Variants in OR11A1 observed in about 807,000 individuals in gnomAD.
OR11A1 encodes olfactory receptor 11A1.
For synonymous variants in OR11A1, 158 were observed against 152.2 expected (o/e 1.04, Z -0.28); for missense variants, 380 against 378.2 (o/e 1.00, Z -0.04).
chr6:29,427,970 C>G (rs7770592), intron 4 of OR11A1, among the ~76,000 whole-genome samples: 3 of 151,724 alleles, frequency 2.0e-5, no homozygotes, highest in Non-Finnish European at 2.9e-5. Context: ...CGCATAATCA[C>G]CTCTATCATT....
Position 29,427,503 on chromosome 6 carries a change from T to C in OR11A1, c.139A>G (p.Ile47Val), listed in dbSNP as rs1254003090. ...YVFIIIGNML[I>V]IVAVVSSQRL... ...TGGGAGCTAACCACTGCTACAATAATCAGCATATTCCCTATGATGATGAAG... is the reference window on the plus strand; with the variant it reads ...TGGGAGCTAACCACTGCTACAATAACCAGCATATTCCCTATGATGATGAAG... Residue 47 changes from isoleucine (I) to valine (V), a missense_variant, in exon 5 of 5, where the codon ATT (isoleucine) becomes GTT (valine). Transcript: ENST00000377149. 5 of 1,613,010 alleles carry C rather than the reference T, an allele frequency of 3.1e-6. No individual in the cohort carries two copies. Among genetic ancestry groups the C allele is most frequent in the Non-Finnish European group, 8.5e-7 (1 of 1,180,016 alleles).
rs1394693177 is a variant in OR11A1, at chr6:29,440,189, G to A, written c.-388-8202C>T. On this transcript the variant is annotated intron_variant, in intron 1 of 4. Coordinates refer to ENST00000377149, the MANE Select transcript of OR11A1 (RefSeq NM_001394828.1). ...CTGATGCTGCCCTCCAGTCCCCTAT[G>A]TACTTCTTCCTGCGCACCCTCTCGG... The A allele has an allele frequency of 2.5e-6, 4 of 1,613,666 alleles. No individual in the cohort carries two copies. Among genetic ancestry groups the A allele is most frequent in the Non-Finnish European group, 3.4e-6 (4 of 1,180,034 alleles).
intron 1 of OR11A1, among the ~76,000 whole-genome samples, chr6:29,448,196 TA>T (rs2151393756): frequency 6.6e-6 from 1 of 151,872 alleles, no homozygotes; most frequent in African/African-American, 2.4e-5. Flanking sequence ...TTTGTATTTT[TA>T]GTAAAGATGG....
intron 1 of OR11A1, among the ~76,000 whole-genome samples, chr6:29,434,380 G>A (rs1407570042): frequency 6.6e-6 from 1 of 152,144 alleles, no homozygotes; most frequent in Non-Finnish European, 1.5e-5. Context: ...TCTTCTGCAT[G>A]TGGATATTCA....
intron 1 of OR11A1, among the ~76,000 whole-genome samples, chr6:29,435,677 AG>A (rs1372466277): frequency 7.0e-4 from 106 of 152,378 alleles, no homozygotes; most frequent in African/African-American, 2.4e-3. Flanking sequence ...CAAAAGAGAT[AG>A]TATTCAACCC....
intron 1 of OR11A1, among the ~76,000 whole-genome samples, chr6:29,451,450 G>A (rs1437110206): frequency 6.6e-6 from 1 of 152,060 alleles, no homozygotes; most frequent in Non-Finnish European, 1.5e-5. Context: ...TGCAAACTAT[G>A]CATCTGACAA....
At chr6:29,446,339 T>A (rs1391881520) in intron 1 of OR11A1, among the ~76,000 whole-genome samples, 1 of 152,072 alleles carries the variant, frequency 6.6e-6, no homozygotes, top group Non-Finnish European at 1.5e-5. Flanking sequence ...TCCCTCCTCA[T>A]CACCCAATCC....
chr6:29,440,587 C>A, intron 1 of OR11A1: 1 of 1,613,924 alleles, frequency 6.2e-7, no homozygotes, highest in Non-Finnish European at 8.5e-7. Context: ...TGTGGAGACA[C>A]CTCGCTTAAT....
At chr6:29,434,477 G>C (rs947557431) in intron 1 of OR11A1, among the ~76,000 whole-genome samples, 2 of 152,028 alleles carry the variant, frequency 1.3e-5, no homozygotes, top group African/African-American at 4.8e-5. Context: ...CTTTAATTCT[G>C]TTAATGTTAT....
intron 3 of OR11A1, among the ~76,000 whole-genome samples, chr6:29,430,007 G>A (rs1783130095): frequency 6.6e-6 from 1 of 152,202 alleles, no homozygotes; most frequent in Admixed American, 6.5e-5. Flanking sequence ...GATACCTGAT[G>A]TGCAAATACA....
intron 3 of OR11A1, among the ~76,000 whole-genome samples, chr6:29,429,820 G>A (rs1477154780): frequency 6.6e-6 from 1 of 152,166 alleles, no homozygotes; most frequent in East Asian, 1.9e-4. Flanking sequence ...GCCAGGATCA[G>A]AGTCTGGGGA....
chr6:29,441,207 G>C (rs1437127548), intron 1 of OR11A1, among the ~76,000 whole-genome samples: 1 of 152,310 alleles, frequency 6.6e-6, no homozygotes, highest in East Asian at 1.9e-4. Flanking sequence ...AGCAGAGCAA[G>C]TTGACAACCA....
intron 1 of OR11A1, among the ~76,000 whole-genome samples, chr6:29,432,504 G>C (rs1277020014): frequency 6.6e-6 from 1 of 151,842 alleles, no homozygotes; most frequent in African/African-American, 2.4e-5. Flanking sequence ...CCTCCAAATC[G>C]CCCTCTTACC....
chr6:29,429,467 T>C (rs770975204), intron 3 of OR11A1, among the ~76,000 whole-genome samples: 1 of 152,346 alleles, frequency 6.6e-6, no homozygotes, highest in South Asian at 2.1e-4. Flanking sequence ...TGGTCCATAC[T>C]CTTAAGGAGT....
chr6:29,431,965 C>G lies in OR11A1; in HGVS notation c.-366G>C, dbSNP rs1783259012. 2 of 985,260 alleles carry G rather than the reference C, an allele frequency of 2.0e-6. No homozygotes were observed. The highest frequency in any genetic ancestry group is 6.1e-5 in the Admixed American group (1 of 16,268). 61.0% of individuals were successfully genotyped at this position (985,260 alleles called of 1,614,324 possible). A position where few individuals can be genotyped will look rare whatever the true frequency, so the allele number is the denominator to read the frequency against. ...GAATGTTGGAATTTCCTACCTTCAG[C>G]TCCCTCCCTGCTTGAGCTCAACCTG... On this transcript the variant is annotated 5_prime_UTR_variant, in exon 2 of 5. Transcript: ENST00000377149.
intron 1 of OR11A1, among the ~76,000 whole-genome samples, chr6:29,437,091 G>A (rs913652039): frequency 6.6e-6 from 1 of 152,220 alleles, no homozygotes; most frequent in African/African-American, 2.4e-5. Context: ...CTGTTGGTGG[G>A]ACTGTAAACT....
At chr6:29,431,744 C>A in intron 2 of OR11A1, 120 bp downstream of exon 2, 2 of 420,990 alleles carry the variant, frequency 4.8e-6, no homozygotes, top group Middle Eastern at 1.2e-3. Context: ...CTTTTTGACT[C>A]TCTGGGTTAA....
intron 1 of OR11A1, chr6:29,439,995 A>T: frequency 6.3e-7 from 1 of 1,592,766 alleles, no homozygotes; most frequent in South Asian, 1.1e-5. Context: ...TTTGTCTTCC[A>T]GTCAAAGGTA....
intron 1 of OR11A1, among the ~76,000 whole-genome samples, chr6:29,433,876 G>A (rs563210886): frequency 1.3e-5 from 2 of 152,212 alleles, no homozygotes; most frequent in South Asian, 4.2e-4. Flanking sequence ...ACAAGTGTGA[G>A]GTGATATCTT....
Sources: gnomAD v4.1 joint callset for allele counts (sites outside exome capture counted in the v4.1 genomes callset) on GRCh38, gnomAD v4.1.1 for gene constraint, MANE v1.5 for transcripts, NCBI Gene and HGNC (gene_info 2026-07-23, HGNC 2026-07-21) for gene names.